Variants in ANKRD26 observed in about 807,000 individuals in gnomAD.
ANKRD26 encodes ankyrin repeat domain-containing protein 26.
In ANKRD26, 141 loss-of-function variants were observed where a neutral mutation model predicts 208.7. The observed-to-expected ratio is 0.68, with a 90% confidence interval of 0.59 to 0.78. The LOEUF is 0.78. Among genes scored for constraint, ANKRD26 ranks in the 30% least tolerant of loss-of-function variants. ANKRD26 has a pLI of 0.00. For missense variants in ANKRD26, 1,889 were observed against 1,938.7 expected (o/e 0.97, Z 0.48); for synonymous variants, 636 against 660.4 (o/e 0.96, Z 0.57).
downstream of ANKRD26, among the ~76,000 whole-genome samples, chr10:26,970,146 G>C (rs75888848): frequency 0.041 from 6,217 of 151,984 alleles, 235 homozygotes; most frequent in Admixed American, 0.12. Context: ...CTGTTATTTT[G>C]TTTAATACTA....
At chr10:27,029,805 T>C (rs1025714268) in intron 25 of ANKRD26, among the ~76,000 whole-genome samples, 5 of 152,214 alleles carry the variant, frequency 3.3e-5, no homozygotes, top group African/African-American at 1.2e-4. Flanking sequence ...TTATAAAAAT[T>C]AACATGATGA....
chr10:26,966,405 C>A, the ANKRD26 span, among the ~76,000 whole-genome samples: 1 of 152,164 alleles, frequency 6.6e-6, no homozygotes, highest in Non-Finnish European at 1.5e-5. Flanking sequence ...ACTGCATGTT[C>A]TCACTTATAA....
chr10:27,024,295 G>A (rs1334833154), intron 28 of ANKRD26, 152 bp downstream of exon 28: 3 of 525,982 alleles, frequency 5.7e-6, no homozygotes, highest in South Asian at 5.4e-5. Context: ...GTTTCAGATT[G>A]TGCTGCAACT....
intron 4 of ANKRD26, among the ~76,000 whole-genome samples, chr10:26,996,726 T>C (rs2052601452): frequency 6.6e-6 from 1 of 152,192 alleles, no homozygotes; most frequent in Non-Finnish European, 1.5e-5. Context: ...GCAGTATCTT[T>C]AGGAATATTT....
chr10:26,956,058 T>C, the ANKRD26 span, among the ~76,000 whole-genome samples: 2 of 152,214 alleles, frequency 1.3e-5, no homozygotes, highest in Non-Finnish European at 2.9e-5. Flanking sequence ...AGAGATGTCA[T>C]TCTTAGAAAT....
intron 23 of ANKRD26, 81 bp downstream of exon 23, chr10:27,037,105 A>G: frequency 7.1e-7 from 1 of 1,412,826 alleles, no homozygotes; most frequent in East Asian, 2.4e-5. Flanking sequence ...CAAGATGCAT[A>G]TATAGTTGGT....
chr10:26,984,447 T>G (rs2052354386), intron 3 of ANKRD26, among the ~76,000 whole-genome samples: 2 of 152,180 alleles, frequency 1.3e-5, no homozygotes, highest in Admixed American at 1.3e-4. Context: ...ACCCCCTAAT[T>G]GTGCAGCACA....
At chr10:27,009,279 G>A (rs888554979) in intron 32 of ANKRD26, among the ~76,000 whole-genome samples, 3 of 152,232 alleles carry the variant, frequency 2.0e-5, no homozygotes, top group Non-Finnish European at 2.9e-5. Flanking sequence ...AGGGACACTT[G>A]AAAGCTTAGG....
At chr10:26,995,290 C>A in intron 4 of ANKRD26, 1 of 414,648 alleles carries the variant, frequency 2.4e-6, no homozygotes, top group Non-Finnish European at 4.9e-6. Context: ...GAATGCGGTA[C>A]ACAAACAGTA....
chr10:27,047,768 G>A (rs897466736), intron 17 of ANKRD26, among the ~76,000 whole-genome samples: 11 of 149,458 alleles, frequency 7.4e-5, no homozygotes, highest in African/African-American at 2.8e-4. Context: ...ATTGGAGATG[G>A]AGTCTCGCCC....
intron 29 of ANKRD26, among the ~76,000 whole-genome samples, chr10:27,021,229 G>A (rs1444546558): frequency 1.3e-5 from 2 of 152,166 alleles, no homozygotes; most frequent in African/African-American, 4.8e-5. Context: ...TAGCTATTGT[G>A]AATAGTACTG....
chr10:27,054,693 C>CA (rs1317490403), intron 15 of ANKRD26, among the ~76,000 whole-genome samples: 1 of 152,084 alleles, frequency 6.6e-6, no homozygotes. Context: ...GAAAGGGTAA[C>CA]AGCATGCAAG....
chr10:27,070,849 T>C (rs956408213), intron 9 of ANKRD26, among the ~76,000 whole-genome samples: 3 of 151,900 alleles, frequency 2.0e-5, no homozygotes, highest in African/African-American at 7.3e-5. Flanking sequence ...GTATCTTTAG[T>C]AGAGACAGGG....
chr10:27,035,094 T>G lies in ANKRD26; in HGVS notation c.3356A>C (p.Gln1119Pro), dbSNP rs1385594419. 1 of 1,612,656 alleles carries G rather than the reference T, an allele frequency of 6.2e-7. No homozygotes were observed. The highest frequency in any genetic ancestry group is 1.3e-5 in the African/African-American group (1 of 74,818). The part of the protein sequence containing the change: ...KEMEQKYQNE[Q>P]VKVNKYIGKQ... Reference sequence around the variant, plus strand: ...TCCAATGTATTTATTCACTTTAACTTGTTCATTTTGATACTTTTGTTCCAT... The same window carrying G: ...TCCAATGTATTTATTCACTTTAACTGGTTCATTTTGATACTTTTGTTCCAT... Residue 1119 changes from glutamine to proline, a missense_variant, in exon 24 of 34, where the codon CAA (glutamine) becomes CCA (proline). Physicochemically the swap from Gln to Pro is moderately conservative, Grantham distance 76. Coordinates refer to ENST00000376087, the MANE Select transcript of ANKRD26 (RefSeq NM_014915.3).
rs182647804 is a variant in ANKRD26 at position 27,046,041 on chromosome 10, G to C, written c.1985+312C>G. The C allele has an allele frequency of 1.9e-4, 50 of 257,134 alleles. No homozygotes were observed. In the East Asian group the frequency reaches 3.9e-3, roughly 20 times the overall value. 15.9% of individuals were successfully genotyped at this position (257,134 alleles called of 1,614,324 possible). ...GCATGCAAATAAACTCTAAAAGCTT[G>C]CATTTTAAAATAAAAAAGAAAGAAG... On this transcript the variant is annotated intron_variant, in intron 18 of 33. Transcript: ENST00000376087.
In ANKRD26 at chr10:27,075,453, C is replaced by G. The variant is rs552124952; in HGVS notation, c.1077+1885G>C. 3.3e-5 allele frequency among the ~76,000 whole-genome samples: 5 copies of G among 152,244 alleles called. No individual in the cohort carries two copies. In the South Asian group the frequency reaches 1.0e-3, roughly 32 times the overall value. ...TGAGCAGGAGTAGCTATTCCTATAT[C>G]AGATAAAACAGAGTTTAAAGCAACA... On this transcript the variant is annotated intron_variant, in intron 9 of 33. Transcript: ENST00000376087.
In ANKRD26 at chr10:26,978,848, A is replaced by G. The variant is rs945589963; in HGVS notation, c.*281+1728T>C. Among the ~76,000 whole-genome samples, 6 of 152,204 alleles carry G rather than the reference A, an allele frequency of 3.9e-5. No homozygotes were observed. The East Asian group carries it at 5.8e-4, about 15-fold the overall frequency. On this transcript the variant is annotated intron_variant and NMD_transcript_variant, in intron 5 of 5. Coordinates refer to the ANKRD26 transcript ENST00000674670. ...TTGTCAGAGTTCTAGATTCCATTTAAGTGGATTCATAAGTGTTGAGGCCTT... is the reference window on the plus strand; with the variant it reads ...TTGTCAGAGTTCTAGATTCCATTTAGGTGGATTCATAAGTGTTGAGGCCTT...
the ANKRD26 span, among the ~76,000 whole-genome samples, chr10:26,964,961 G>A: frequency 7.9e-5 from 12 of 152,116 alleles, no homozygotes; most frequent in Non-Finnish European, 1.5e-4. Context: ...AGGGCCAGGC[G>A]TGGTGGCTCA....
chr10:27,069,321 C>T (rs1416419996), intron 9 of ANKRD26, among the ~76,000 whole-genome samples: 1 of 151,826 alleles, frequency 6.6e-6, no homozygotes, highest in East Asian at 1.9e-4. Flanking sequence ...TCTCCTGCTT[C>T]AATGTTTCAG....
Sources: allele counts gnomAD v4.1 joint callset (sites outside exome capture counted in the v4.1 genomes callset), GRCh38; gene constraint gnomAD v4.1.1; transcripts MANE v1.5; gene names NCBI Gene and HGNC (gene_info 2026-07-23, HGNC 2026-07-21).